Variants in NPAS2 observed in about 807,000 individuals in gnomAD.
NPAS2 encodes neuronal PAS domain-containing protein 2.
A neutral mutation model predicts 107.5 loss-of-function variants in NPAS2; 23 were observed. The ratio of observed to expected loss-of-function variants is 0.21; its 90% CI spans 0.15 to 0.30. NPAS2 has a LOEUF of 0.30. Ranked by LOEUF, NPAS2 falls within the 10% of genes least tolerant of loss-of-function variation. The probability of loss-of-function intolerance (pLI) is 1.00; values close to 1 mark genes in which losing one functional copy is unlikely to be tolerated. For missense variants in NPAS2, 756 were observed against 1,043.3 expected (o/e 0.72, Z 3.79); for synonymous variants, 403 against 417.5 (o/e 0.97, Z 0.42).
intron 1 of NPAS2, among the ~76,000 whole-genome samples, chr2:100,899,568 C>G (rs1681643402): frequency 6.6e-6 from 1 of 152,058 alleles, no homozygotes; most frequent in Admixed American, 6.6e-5. Flanking sequence ...GACAAATGCA[C>G]CATACTAATG....
chr2:100,907,408 T>C (rs1236133736), intron 2 of NPAS2, among the ~76,000 whole-genome samples: 1 of 151,676 alleles, frequency 6.6e-6, no homozygotes, highest in Non-Finnish European at 1.5e-5. Context: ...TCCTCCCTTG[T>C]ACTCAGATGG....
intron 15 of NPAS2, among the ~76,000 whole-genome samples, chr2:100,981,870 T>C (rs1438093948): frequency 1.3e-5 from 2 of 152,244 alleles, no homozygotes; most frequent in African/African-American, 4.8e-5. Flanking sequence ...GACATTCATC[T>C]CCAGAACCAT....
At chr2:100,993,798 C>T in intron 20 of NPAS2, 1 of 372,334 alleles carries the variant, frequency 2.7e-6, no homozygotes, top group Non-Finnish European at 4.8e-6. Flanking sequence ...GTAGTTTCTA[C>T]TCAAGGATTT....
At chr2:100,914,275 C>T (rs1019321440) in intron 2 of NPAS2, among the ~76,000 whole-genome samples, 1 of 152,082 alleles carries the variant, frequency 6.6e-6, no homozygotes, top group Non-Finnish European at 1.5e-5. Flanking sequence ...GACACAGCCC[C>T]TTTGTAAGAG....
Position 100,904,711 on chromosome 2 carries a change from A to ATTT in NPAS2, c.-22-7_-22-5dup, listed in dbSNP as rs57350721. On this transcript the variant is annotated intron_variant, in intron 1 of 20. Coordinates refer to ENST00000335681, the MANE Select transcript of NPAS2 (RefSeq NM_002518.4). ...AGACAGTAATTATCCATTCTTTTTAATTTTTTTTTTTTTTTTTGCAGGAAA... is the reference window on the plus strand; with the variant it reads ...AGACAGTAATTATCCATTCTTTTTAATTTTTTTTTTTTTTTTTTTTGCAGGAAA... 2,402 of 1,267,338 alleles carry ATTT rather than the reference A, an allele frequency of 1.9e-3. 29 individuals carry two copies. The African/African-American group carries it at 0.031, about 17-fold the overall frequency. 78.5% of individuals were successfully genotyped at this position (1,267,338 alleles called of 1,614,324 possible). A position where few individuals can be genotyped will look rare whatever the true frequency, so the allele number is the denominator to read the frequency against.
Position 100,993,427 on chromosome 2 carries a change from TG to T in NPAS2, c.2193del (p.Met732TrpfsTer106). The T allele has an allele frequency of 6.2e-7, 1 of 1,613,626 alleles. No individual in the cohort carries two copies. Among genetic ancestry groups the T allele is most frequent in the South Asian group, 1.1e-5 (1 of 91,064 alleles). On this transcript the variant is annotated frameshift_variant, in exon 20 of 21. Coordinates refer to ENST00000335681, the MANE Select transcript of NPAS2 (RefSeq NM_002518.4). LOFTEE classifies it high-confidence loss of function. ...AGCAGCGCCCCGATGCCCGTCCTGC[TG>T]ATGGGGCAGGCGGTGCTCCACCCCA... ...NSSSAPMPVLLMGQAVLHPSF... is the reference protein window; with the variant it reads ...NSSSAPMPVLXMGQAVLHPSF...
intron 3 of NPAS2, among the ~76,000 whole-genome samples, chr2:100,928,249 G>A (rs902175373): frequency 1.3e-5 from 2 of 152,142 alleles, no homozygotes; most frequent in Non-Finnish European, 2.9e-5. Context: ...TTGGAACGAA[G>A]TGTTACAGCA....
At chr2:100,986,245 ACCC>A (rs1677770296) in intron 16 of NPAS2, 1 of 152,184 alleles carries the variant, frequency 6.6e-6, no homozygotes, top group Non-Finnish European at 1.5e-5. Context: ...AAAGATCAGA[ACCC>A]AGCCCCAGCT....
intron 3 of NPAS2, among the ~76,000 whole-genome samples, chr2:100,926,937 C>CTT (rs1683606168): frequency 7.2e-6 from 1 of 138,216 alleles, no homozygotes. Flanking sequence ...TTCTTTTTTT[C>CTT]TTTCTTTTTT....
At chr2:100,936,889 G>A (rs1198257851) in intron 4 of NPAS2, among the ~76,000 whole-genome samples, 3 of 150,698 alleles carry the variant, frequency 2.0e-5, no homozygotes, top group African/African-American at 7.3e-5. Context: ...CACTGAAGCA[G>A]GAGAATCGCT....
chr2:100,931,483 C>CTT (rs10709889), intron 3 of NPAS2, among the ~76,000 whole-genome samples: 16 of 81,302 alleles, frequency 2.0e-4, no homozygotes, highest in East Asian at 1.5e-3. Flanking sequence ...TAACTCAGCT[C>CTT]TTTTTTTTTT....
intron 1 of NPAS2, among the ~76,000 whole-genome samples, chr2:100,826,359 T>C (rs1257597669): frequency 6.6e-6 from 1 of 152,150 alleles, no homozygotes; most frequent in Non-Finnish European, 1.5e-5. Flanking sequence ...GGAGAATCAC[T>C]TGAACCAGCG....
upstream of NPAS2, among the ~76,000 whole-genome samples, chr2:100,819,729 AC>A (rs138381702): frequency 0.042 from 6,369 of 151,670 alleles, 464 homozygotes; most frequent in African/African-American, 0.14. This position sits in a 1 kb window ranked among gnomAD's most constrained non-coding sequence, Gnocchi z 5.8. Context: ...CTTTAATGGG[AC>A]CTCGGCTGGC....
chr2:100,842,781 C>A (rs1677525227), intron 1 of NPAS2, among the ~76,000 whole-genome samples: 1 of 152,172 alleles, frequency 6.6e-6, no homozygotes, highest in South Asian at 2.1e-4. Context: ...TGTGGCCCCA[C>A]CAGTGTTGCT....
chr2:100,979,480 C>CTATATATATATATATATATA (rs201705535), intron 15 of NPAS2, among the ~76,000 whole-genome samples: 7 of 64,794 alleles, frequency 1.1e-4, no homozygotes, highest in South Asian at 7.1e-4. Context: ...TTAATAATAA[C>CTATATATATATATATATATA]TATATATATA....
At chr2:100,905,485 T>G (rs1682087913) in intron 2 of NPAS2, among the ~76,000 whole-genome samples, 1 of 151,792 alleles carries the variant, frequency 6.6e-6, no homozygotes. Context: ...GTCATCAGTT[T>G]CACACGATTC....
intron 15 of NPAS2, among the ~76,000 whole-genome samples, chr2:100,980,110 C>T (rs1677341684): frequency 6.6e-6 from 1 of 152,112 alleles, no homozygotes; most frequent in South Asian, 2.1e-4. Flanking sequence ...AAAACATCAC[C>T]ATCAAGAAGG....
At chr2:100,892,152 C>T (rs1451816251) in intron 1 of NPAS2, among the ~76,000 whole-genome samples, 1 of 152,204 alleles carries the variant, frequency 6.6e-6, no homozygotes, top group Admixed American at 6.5e-5. Context: ...GAGGTGATTG[C>T]AACATAAATG....
intron 2 of NPAS2, among the ~76,000 whole-genome samples, chr2:100,917,202 A>G (rs1031543588): frequency 6.6e-6 from 1 of 152,190 alleles, no homozygotes; most frequent in Non-Finnish European, 1.5e-5. Flanking sequence ...GAAAAACAAT[A>G]TAGAAAAATC....
Sources: gnomAD v4.1 joint callset for allele counts (sites outside exome capture counted in the v4.1 genomes callset) on GRCh38, gnomAD v4.1.1 for gene constraint, Gnocchi (gnomAD v3.1) non-coding constraint, MANE v1.5 for transcripts, NCBI Gene and HGNC (gene_info 2026-07-23, HGNC 2026-07-21) for gene names.